Variants in NUBPL observed in about 807,000 individuals in gnomAD.
NUBPL encodes iron-sulfur cluster transfer protein NUBPL.
A neutral mutation model predicts 45.7 loss-of-function variants in NUBPL; 31 were observed. That is an observed-to-expected ratio of 0.68 (90% CI 0.51 to 0.92). The LOEUF (loss-of-function observed/expected upper bound fraction) is 0.92, where lower values mean the gene tolerates loss of function less well. Among genes scored for constraint, NUBPL ranks in the 40% least tolerant of loss-of-function variants. NUBPL has a pLI of 0.00. For synonymous variants in NUBPL, 144 were observed against 140.9 expected (o/e 1.02, Z -0.15); for missense variants, 401 against 398.7 (o/e 1.01, Z -0.05).
chr14:31,858,819 C>A (rs1036758309), intron 10 of NUBPL, among the ~76,000 whole-genome samples: 5 of 152,172 alleles, frequency 3.3e-5, no homozygotes, highest in African/African-American at 9.7e-5. Flanking sequence ...AATCTCTCTG[C>A]AACTAGACTG....
At chr14:31,731,293 G>A (rs2038043214) in intron 6 of NUBPL, among the ~76,000 whole-genome samples, 1 of 152,184 alleles carries the variant, frequency 6.6e-6, no homozygotes, top group Non-Finnish European at 1.5e-5. Context: ...CTCCAAAGAA[G>A]ATGGTAAGAG....
intron 6 of NUBPL, among the ~76,000 whole-genome samples, chr14:31,739,196 T>A (rs190347248): frequency 5.6e-4 from 80 of 142,738 alleles, no homozygotes; most frequent in South Asian, 1.5e-3. Context: ...ATATATATAT[T>A]ATATTCTATA....
At chr14:31,603,800 G>A (rs2034510328) in intron 4 of NUBPL, among the ~76,000 whole-genome samples, 2 of 152,004 alleles carry the variant, frequency 1.3e-5, no homozygotes, top group African/African-American at 4.8e-5. Flanking sequence ...TGTTATTCTG[G>A]TTTCTTTTTC....
At chr14:31,734,348 C>T (rs986559387) in intron 6 of NUBPL, among the ~76,000 whole-genome samples, 4 of 152,090 alleles carry the variant, frequency 2.6e-5, no homozygotes, top group Non-Finnish European at 4.4e-5. Flanking sequence ...AAGAAAGTGT[C>T]GAATTAGAGT....
Position 31,832,776 on chromosome 14 carries a change from A to G in NUBPL, c.693+6062A>G, listed in dbSNP as rs139759962. 1.8e-3 allele frequency among the ~76,000 whole-genome samples: 269 copies of G among 152,294 alleles called. 1 individual carries two copies. The highest frequency in any genetic ancestry group is 6.1e-3 in the African/African-American group (253 of 41,562). On this transcript the variant is annotated intron_variant, in intron 8 of 10. Coordinates refer to ENST00000281081, the MANE Select transcript of NUBPL (RefSeq NM_025152.3). Reference sequence around the variant, plus strand: ...ATGAGCTGAGGAGTTTGAATTGTAGATCCCAGCTCTGCCACTTTGTAACTG... The same window carrying G: ...ATGAGCTGAGGAGTTTGAATTGTAGGTCCCAGCTCTGCCACTTTGTAACTG...
At chr14:31,700,923 TGAG>T (rs879505249) in intron 6 of NUBPL, among the ~76,000 whole-genome samples, 6 of 151,916 alleles carry the variant, frequency 3.9e-5, no homozygotes, top group Non-Finnish European at 5.9e-5. Context: ...GCCCAAGGGC[TGAG>T]GAGTGCAGGT....
intron 9 of NUBPL, among the ~76,000 whole-genome samples, chr14:31,846,979 A>T (rs1434361747): frequency 1.3e-5 from 2 of 152,040 alleles, no homozygotes; most frequent in East Asian, 3.9e-4. Context: ...AACAAAAAAC[A>T]GTGTCTCTGA....
intron 3 of NUBPL, among the ~76,000 whole-genome samples, chr14:31,568,602 C>A (rs1020504800): frequency 6.6e-6 from 1 of 152,116 alleles, no homozygotes; most frequent in African/African-American, 2.4e-5. Context: ...AGGAATGCTA[C>A]GTTTTCTAGG....
intron 6 of NUBPL, among the ~76,000 whole-genome samples, chr14:31,737,687 G>A (rs1470971572): frequency 1.3e-5 from 2 of 152,108 alleles, no homozygotes; most frequent in African/African-American, 4.8e-5. Flanking sequence ...CGGAGGCTGA[G>A]GCACAAGAAT....
intron 6 of NUBPL, among the ~76,000 whole-genome samples, chr14:31,696,381 C>T (rs567424739): frequency 4.5e-4 from 69 of 152,356 alleles, no homozygotes; most frequent in African/African-American, 1.6e-3. Context: ...AGCATGTCAT[C>T]TCTTGTTCTC....
intron 7 of NUBPL, 31 bp downstream of exon 7, chr14:31,787,904 C>CT (rs2039313010): frequency 4.0e-6 from 6 of 1,482,894 alleles, no homozygotes; most frequent in African/African-American, 1.4e-5. Context: ...GTAATTTGTA[C>CT]TTTTTTTGAT....
At chr14:31,570,451 A>G (rs77302597) in intron 3 of NUBPL, among the ~76,000 whole-genome samples, 9,632 of 152,270 alleles carry the variant, frequency 0.063, 413 homozygotes, top group Non-Finnish European at 0.091. Flanking sequence ...AAATCTGCCC[A>G]AGATGAGTAG....
chr14:31,836,019 G>T (rs1049374385), intron 8 of NUBPL, among the ~76,000 whole-genome samples: 1 of 152,108 alleles, frequency 6.6e-6, no homozygotes, highest in Non-Finnish European at 1.5e-5. Flanking sequence ...TAAAAATCTT[G>T]CTTGTTACTT....
At chr14:31,602,405 G>GA (rs35973457) in intron 4 of NUBPL, among the ~76,000 whole-genome samples, 77,203 of 144,996 alleles carry the variant, frequency 0.53, 22,463 homozygotes, top group African/African-American at 0.8. Flanking sequence ...AAAAAAAAAA[G>GA]AAAAAAAAAG....
chr14:31,842,337 A>G (rs1406395616), intron 8 of NUBPL, among the ~76,000 whole-genome samples: 3 of 152,114 alleles, frequency 2.0e-5, no homozygotes, highest in Admixed American at 2.0e-4. Context: ...AGTGGAATTA[A>G]TTTATTCAAG....
chr14:31,720,680 G>A (rs1472219565), intron 6 of NUBPL, among the ~76,000 whole-genome samples: 1 of 152,034 alleles, frequency 6.6e-6, no homozygotes, highest in Non-Finnish European at 1.5e-5. Flanking sequence ...GTCCAATACA[G>A]TAACTACTAG....
chr14:31,608,235 G>T (rs1294866242), intron 4 of NUBPL, among the ~76,000 whole-genome samples: 4 of 152,158 alleles, frequency 2.6e-5, no homozygotes, highest in Non-Finnish European at 5.9e-5. Context: ...TACAGGAGAT[G>T]TTAAAGGGAA....
At chr14:31,638,043 A>G (rs548148305) in intron 4 of NUBPL, among the ~76,000 whole-genome samples, 25 of 152,228 alleles carry the variant, frequency 1.6e-4, no homozygotes, top group Middle Eastern at 3.4e-3. Context: ...TCTTTATCCA[A>G]TTTGCCAGTC....
chr14:31,811,758 A>G (rs547836044), intron 7 of NUBPL, among the ~76,000 whole-genome samples: 8 of 152,034 alleles, frequency 5.3e-5, no homozygotes, highest in East Asian at 1.9e-4. Flanking sequence ...TTGTGGTTTT[A>G]TCTACCTTTG....
Sources: gnomAD v4.1 joint callset for allele counts (sites outside exome capture counted in the v4.1 genomes callset) on GRCh38, gnomAD v4.1.1 for gene constraint, MANE v1.5 for transcripts, NCBI Gene and HGNC (gene_info 2026-07-23, HGNC 2026-07-21) for gene names.